CRYL1: variants seen among roughly 807,000 people sequenced by gnomAD.
The protein encoded by CRYL1 is lambda-crystallin homolog.
CRYL1 carries 29 observed loss-of-function variants against 36.6 expected under a neutral mutation model. The ratio of observed to expected loss-of-function variants is 0.79; its 90% CI spans 0.59 to 1.08. The LOEUF is 1.08. Among genes scored for constraint, CRYL1 ranks in the 50% least tolerant of loss-of-function variants. The pLI, the probability that CRYL1 is intolerant of heterozygous loss-of-function variation, is 0.00. For missense variants in CRYL1, 411 were observed against 407.9 expected, an observed-to-expected ratio of 1.01 and a Z score of -0.06; for synonymous variants, 152 against 151.5, an observed-to-expected ratio of 1.00 and a Z score of -0.02.
chr13:20,414,230 T>C (rs2031598982), intron 5 of CRYL1, among the ~76,000 whole-genome samples: 1 of 146,348 alleles, frequency 6.8e-6, no homozygotes, highest in East Asian at 2.1e-4. Flanking sequence ...CACACACACA[T>C]ATGTATACAC....
chr13:20,434,874 A>C (rs1361274646), intron 4 of CRYL1, among the ~76,000 whole-genome samples: 1 of 151,382 alleles, frequency 6.6e-6, no homozygotes, highest in South Asian at 2.1e-4. Context: ...CTCTCAAAAA[A>C]ATCATTGCCA....
At chr13:20,515,978 G>A (rs1328176045) in intron 1 of CRYL1, among the ~76,000 whole-genome samples, 1 of 152,088 alleles carries the variant, frequency 6.6e-6, no homozygotes, top group Non-Finnish European at 1.5e-5. Context: ...GATCACTTGA[G>A]GTCAGGAGAT....
chr13:20,514,054 TA>T (rs1565990483), intron 1 of CRYL1, among the ~76,000 whole-genome samples: 1 of 151,714 alleles, frequency 6.6e-6, no homozygotes, highest in East Asian at 1.9e-4. Flanking sequence ...ATAACACAAA[TA>T]AATGCTTGAA....
intron 3 of CRYL1, among the ~76,000 whole-genome samples, chr13:20,470,933 A>AC (rs2033043324): frequency 6.6e-6 from 1 of 151,168 alleles, no homozygotes; most frequent in African/African-American, 2.4e-5. Context: ...AAAACAAAAA[A>AC]AAAAACCCAT....
chr13:20,442,763 A>C (rs1350531869), intron 3 of CRYL1, among the ~76,000 whole-genome samples: 1 of 152,230 alleles, frequency 6.6e-6, no homozygotes, highest in Non-Finnish European at 1.5e-5. Flanking sequence ...CTTTCAAAGC[A>C]CTGACTTTTG....
intron 4 of CRYL1, among the ~76,000 whole-genome samples, chr13:20,437,967 G>A (rs6490576): frequency 0.97 from 147,881 of 152,180 alleles, 71,984 homozygotes; most frequent in East Asian, 1. Context: ...AGCCCTGTCC[G>A]TGGACATGTA....
At chr13:20,495,930 T>G (rs1228543836) in intron 2 of CRYL1, among the ~76,000 whole-genome samples, 6 of 152,172 alleles carry the variant, frequency 3.9e-5, no homozygotes, top group Middle Eastern at 3.2e-3. Context: ...CCCAAATAGC[T>G]GGGACTACAG....
chr13:20,464,795 G>A (rs923542277), intron 3 of CRYL1, among the ~76,000 whole-genome samples: 5 of 152,164 alleles, frequency 3.3e-5, no homozygotes, highest in Non-Finnish European at 7.3e-5. Flanking sequence ...TTCATCGCAG[G>A]TAGATTTGTC....
At chr13:20,505,583 G>C (rs2033782102) in intron 2 of CRYL1, among the ~76,000 whole-genome samples, 1 of 152,082 alleles carries the variant, frequency 6.6e-6, no homozygotes, top group Non-Finnish European at 1.5e-5. Context: ...GCTTATTTCT[G>C]CGTCCATAAT....
intron 4 of CRYL1, among the ~76,000 whole-genome samples, chr13:20,438,749 G>A (rs967254046): frequency 6.6e-6 from 1 of 152,190 alleles, no homozygotes; most frequent in Non-Finnish European, 1.5e-5. Flanking sequence ...TGCCAAGGGT[G>A]TGGTCACTAT....
chr13:20,518,623 G>A (rs967777816), intron 1 of CRYL1, among the ~76,000 whole-genome samples: 3 of 152,186 alleles, frequency 2.0e-5, no homozygotes, highest in African/African-American at 7.2e-5. Flanking sequence ...GATATCATCT[G>A]ACTTCTGTTT....
intron 5 of CRYL1, chr13:20,430,473 T>C: frequency 1.0e-6 from 1 of 985,392 alleles, no homozygotes; most frequent in Non-Finnish European, 1.2e-6. Context: ...CAGGCTGCCA[T>C]GACCCATGAA....
chr13:20,503,276 ACC>A (rs2033735512), intron 2 of CRYL1, among the ~76,000 whole-genome samples: 2 of 152,194 alleles, frequency 1.3e-5, no homozygotes, highest in Non-Finnish European at 2.9e-5. Flanking sequence ...ACCCGGCTGA[ACC>A]CGCAGCCACT....
chr13:20,493,568 G>A (rs948135224), intron 2 of CRYL1, among the ~76,000 whole-genome samples: 3 of 152,136 alleles, frequency 2.0e-5, no homozygotes, highest in African/African-American at 7.2e-5. Flanking sequence ...GCTAAGGCAG[G>A]ACAATCACTT....
chr13:20,428,342 C>G (rs2031979529), intron 5 of CRYL1, among the ~76,000 whole-genome samples: 1 of 152,190 alleles, frequency 6.6e-6, no homozygotes, highest in Non-Finnish European at 1.5e-5. Context: ...ATTCCAAAAT[C>G]TGCAAACATC....
chr13:20,416,982 T>A (rs2031685021), intron 5 of CRYL1, among the ~76,000 whole-genome samples: 2 of 152,234 alleles, frequency 1.3e-5, no homozygotes, highest in South Asian at 4.1e-4. Flanking sequence ...AACGTTTTGA[T>A]ACTTTCCCTT....
rs965096026 is a variant in CRYL1 at position 20,446,150 on chromosome 13, C to T, written c.277-6396G>A. ...ATTTTGTAACAGAGTCCTGCCCTGT[C>T]GCCCAGGCTGGAGTGCAGTGGCACA... On this transcript the variant is annotated intron_variant, in intron 3 of 7. Transcript: ENST00000298248. Among the ~76,000 whole-genome samples, 5 of 152,268 alleles carry T rather than the reference C, an allele frequency of 3.3e-5. No individual in the cohort carries two copies. In the South Asian group the frequency reaches 1.0e-3, roughly 32 times the overall value.
intron 4 of CRYL1, 37 bp from the exon 5 acceptor site, chr13:20,432,333 T>C: frequency 6.5e-7 from 1 of 1,548,560 alleles, no homozygotes; most frequent in Non-Finnish European, 8.8e-7. Context: ...GTCAAGGAGA[T>C]GATCCTGGGT....
intron 3 of CRYL1, among the ~76,000 whole-genome samples, chr13:20,482,608 C>T (rs1222514321): frequency 1.3e-5 from 2 of 152,234 alleles, no homozygotes; most frequent in Admixed American, 1.3e-4. Flanking sequence ...ACCCAGGCTC[C>T]CCGCCCTCTA....
Sources: allele counts gnomAD v4.1 joint callset (sites outside exome capture counted in the v4.1 genomes callset), GRCh38; gene constraint gnomAD v4.1.1; transcripts MANE v1.5; gene names NCBI Gene and HGNC (gene_info 2026-07-23, HGNC 2026-07-21).